GRK5: variants seen among roughly 807,000 people sequenced by gnomAD.
GRK5 encodes the protein g protein-coupled receptor kinase GRK5.
Under a neutral mutation model 78.4 loss-of-function variants are expected in GRK5, and 40 were observed. That is an observed-to-expected ratio of 0.51 (90% CI 0.40 to 0.66). The LOEUF is 0.66. GRK5 is among the 30% of genes least tolerant of loss of function. The pLI is 0.00. For missense variants in GRK5, 598 were observed against 759.9 expected (o/e 0.79, Z 2.50); for synonymous variants, 289 against 296.8 (o/e 0.97, Z 0.27).
At chr10:119,314,733 T>G (rs1270272728) in intron 1 of GRK5, among the ~76,000 whole-genome samples, 1 of 152,160 alleles carries the variant, frequency 6.6e-6, no homozygotes, top group Non-Finnish European at 1.5e-5. Context: ...AATCTGGGGA[T>G]AGTTACTGGG....
intron 1 of GRK5, among the ~76,000 whole-genome samples, chr10:119,286,617 AG>A (rs754577489): frequency 1.3e-5 from 2 of 152,168 alleles, no homozygotes; most frequent in Non-Finnish European, 2.9e-5. Flanking sequence ...TGAAGGGAAA[AG>A]GTTGTTCTGG....
intron 2 of GRK5, among the ~76,000 whole-genome samples, chr10:119,350,940 C>T (rs950562732): frequency 5.9e-5 from 9 of 152,170 alleles, no homozygotes; most frequent in Non-Finnish European, 1.3e-4. Context: ...TGTTTGCCCA[C>T]CCATTAGGCA....
intron 4 of GRK5, among the ~76,000 whole-genome samples, chr10:119,403,391 T>C (rs1852183409): frequency 6.6e-6 from 1 of 152,142 alleles, no homozygotes; most frequent in Non-Finnish European, 1.5e-5. Flanking sequence ...GGTCTCGATC[T>C]CCTGACCTCG....
At chr10:119,331,489 A>T (rs1377349686) in intron 2 of GRK5, among the ~76,000 whole-genome samples, 5 of 152,252 alleles carry the variant, frequency 3.3e-5, no homozygotes, top group African/African-American at 1.2e-4. Context: ...AGACCAATAC[A>T]CAAACCAAAC....
chr10:119,377,718 A>G (rs773246856), intron 2 of GRK5, among the ~76,000 whole-genome samples: 1 of 152,180 alleles, frequency 6.6e-6, no homozygotes, highest in Admixed American at 6.5e-5. Flanking sequence ...GAGAAAAAAA[A>G]ATCTGTCAAA....
rs1270987656 is a variant in GRK5 at position 119,452,781 on chromosome 10, C to T, written c.1515C>T (p.Gly505=). The change falls in exon 14 of 16, where the codon GGC becomes GGT. Residue 505 remains glycine (G), a synonymous_variant. Coordinates refer to ENST00000392870, the MANE Select transcript of GRK5 (RefSeq NM_005308.3). The surrounding 1 kb of genome is among the most constrained non-coding windows in gnomAD (Gnocchi z 4.4). ...ACTTCTACTCCAAGTTCTCCACGGG[C>T]TCTGTGTCCATCCCATGGCAAAACG... ...DDDFYSKFST[G]SVSIPWQNEM... 2 of 1,565,608 alleles carry T rather than the reference C, an allele frequency of 1.3e-6. No homozygotes were observed. The highest frequency in any genetic ancestry group is 3.4e-5 in the Admixed American group (2 of 58,276).
At chr10:119,371,740 T>A (rs920485078) in intron 2 of GRK5, among the ~76,000 whole-genome samples, 3 of 152,238 alleles carry the variant, frequency 2.0e-5, no homozygotes, top group African/African-American at 7.2e-5. Context: ...AGCTACCTCC[T>A]ATCTCCTTTC....
chr10:119,455,735 A>G lies in GRK5; in HGVS notation c.*668A>G, dbSNP rs533163854. 30 of 197,626 alleles carry G rather than the reference A, an allele frequency of 1.5e-4. No homozygotes were observed. The South Asian group carries it at 1.9e-3, about 13-fold the overall frequency. The allele number at this position is 197,626 out of a possible 1,614,324, so 12.2% of individuals were successfully genotyped here. ...AATCTGAATTAAATGTTCCAGACAC[A>G]CGTGGGACTTCCCCCTCCCAGCCAG... On this transcript the variant is annotated 3_prime_UTR_variant, in exon 16 of 16. Coordinates refer to ENST00000392870, the MANE Select transcript of GRK5 (RefSeq NM_005308.3).
chr10:119,423,313 A>T, intron 5 of GRK5, 47 bp downstream of exon 5: 1 of 1,325,328 alleles, frequency 7.5e-7, no homozygotes, highest in Non-Finnish European at 1.1e-6. Flanking sequence ...CTGCCCAGAG[A>T]TGGGATGCCG....
At chr10:119,348,233 G>T (rs1851131894) in intron 2 of GRK5, among the ~76,000 whole-genome samples, 1 of 152,208 alleles carries the variant, frequency 6.6e-6, no homozygotes, top group Non-Finnish European at 1.5e-5. Flanking sequence ...AGCTCAGTTT[G>T]ATGTCAAAAG....
At chr10:119,448,792 C>G (rs946729065) in intron 13 of GRK5, among the ~76,000 whole-genome samples, 7 of 152,186 alleles carry the variant, frequency 4.6e-5, no homozygotes, top group Non-Finnish European at 8.8e-5. Context: ...GTCCCCAGGT[C>G]CCCCAGTCGG....
At chr10:119,342,040 C>T (rs958269420) in intron 2 of GRK5, among the ~76,000 whole-genome samples, 10 of 152,186 alleles carry the variant, frequency 6.6e-5, no homozygotes, top group African/African-American at 1.7e-4. Flanking sequence ...TACATCCCAC[C>T]GGCACAGCTG....
At position 119,394,377 on chromosome 10, in the gene GRK5, GGTGT is replaced by G. The variant is rs1229032027; in HGVS notation, c.262-2313_262-2310del. ...GGGTGTGTGGGTGTGTGTGGGTGTCGGTGTGTGTATCTGTGTCTGTGTGTGGGCA... is the reference window on the plus strand; with the variant it reads ...GGGTGTGTGGGTGTGTGTGGGTGTCGGTGTATCTGTGTCTGTGTGTGGGCA... On this transcript the variant is annotated intron_variant, in intron 3 of 15. Transcript: ENST00000392870. 3.4e-3 allele frequency among the ~76,000 whole-genome samples: 28 copies of G among 8,328 alleles called. 7 individuals carry two copies. The highest frequency in any genetic ancestry group is 9.0e-3 in the African/African-American group (18 of 2,002). The allele number at this position is 8,328 out of a possible 152,430, so 5.5% of individuals were successfully genotyped here.
chr10:119,344,925 C>T (rs960093446), intron 2 of GRK5, among the ~76,000 whole-genome samples: 1 of 138,568 alleles, frequency 7.2e-6, no homozygotes, highest in Non-Finnish European at 1.6e-5. Flanking sequence ...TTCCTTCCTT[C>T]CTTCCTTCCT....
chr10:119,332,767 C>T (rs182813646), intron 2 of GRK5, among the ~76,000 whole-genome samples: 116 of 152,316 alleles, frequency 7.6e-4, no homozygotes, highest in African/African-American at 2.6e-3. Flanking sequence ...GAATAACACA[C>T]GCTTGTCTCC....
At chr10:119,302,508 C>T (rs563671734) in intron 1 of GRK5, among the ~76,000 whole-genome samples, 67 of 152,280 alleles carry the variant, frequency 4.4e-4, no homozygotes, top group African/African-American at 1.4e-3. Flanking sequence ...ACTTTTTCTT[C>T]GCAGGCTGCA....
intron 4 of GRK5, among the ~76,000 whole-genome samples, chr10:119,400,465 G>T (rs1201559622): frequency 6.6e-6 from 1 of 152,208 alleles, no homozygotes; most frequent in Non-Finnish European, 1.5e-5. Context: ...CATCTGATGC[G>T]TAGAGGCCAT....
intron 2 of GRK5, among the ~76,000 whole-genome samples, chr10:119,328,319 C>T (rs1368263582): frequency 2.0e-5 from 3 of 152,128 alleles, no homozygotes; most frequent in Non-Finnish European, 4.4e-5. Flanking sequence ...TGCAGGGGGC[C>T]TTCAGAGAGG....
intron 1 of GRK5, among the ~76,000 whole-genome samples, chr10:119,252,532 G>A (rs1849220910): frequency 6.6e-6 from 1 of 152,100 alleles, no homozygotes; most frequent in African/African-American, 2.4e-5. Context: ...CTCGAGACCT[G>A]GGCATGGTTT....
Sources: allele counts gnomAD v4.1 joint callset (sites outside exome capture counted in the v4.1 genomes callset), GRCh38; gene constraint gnomAD v4.1.1; non-coding constraint Gnocchi (gnomAD v3.1); transcripts MANE v1.5; gene names NCBI Gene and HGNC (gene_info 2026-07-23, HGNC 2026-07-21).